Variants in ITGA11 observed in about 807,000 individuals in gnomAD.
ITGA11 encodes integrin alpha-11.
In ITGA11, 97 loss-of-function variants were observed where a neutral mutation model predicts 141.9. The ratio of observed to expected loss-of-function variants is 0.68; its 90% CI spans 0.58 to 0.81. The LOEUF is 0.81. Ranked by LOEUF, ITGA11 falls within the 30% of genes least tolerant of loss-of-function variation. The pLI, the probability that ITGA11 is intolerant of heterozygous loss-of-function variation, is 0.00. For missense variants in ITGA11, 1,387 were observed against 1,559.2 expected, an observed-to-expected ratio of 0.89 and a Z score of 1.86; for synonymous variants, 658 against 624.6, an observed-to-expected ratio of 1.05 and a Z score of -0.80.
At chr15:68,406,702 C>T (rs968714789) in intron 1 of ITGA11, among the ~76,000 whole-genome samples, 4 of 152,172 alleles carry the variant, frequency 2.6e-5, no homozygotes, top group African/African-American at 9.7e-5. Context: ...ATCCTCAGTG[C>T]CTTGAATGGA....
chr15:68,334,054 C>T (rs1425790795), intron 12 of ITGA11, among the ~76,000 whole-genome samples: 1 of 152,226 alleles, frequency 6.6e-6, no homozygotes. Flanking sequence ...CTCCACTCTG[C>T]TCCCTGCCCC....
In ITGA11 at chr15:68,308,201, C is replaced by T. The variant is rs930439810; in HGVS notation, c.3175-505G>A. ...AACTTTTTTTGCCCCAAAATAAACT[C>T]GTATTAACTTGTTGTAACCTATGTG... is the stretch of plus-strand genomic sequence containing the variant. On this transcript the variant is annotated intron_variant, in intron 26 of 29. Coordinates refer to ENST00000315757, the MANE Select transcript of ITGA11 (RefSeq NM_001004439.2). The surrounding 1 kb of genome is among the most constrained non-coding windows in gnomAD (Gnocchi z 5.2). Among the ~76,000 whole-genome samples the T allele has an allele frequency of 2.0e-5, 3 of 152,044 alleles. No individual in the cohort carries two copies. The highest frequency in any genetic ancestry group is 1.9e-4 in the East Asian group (1 of 5,198).
rs952735744 is a variant in ITGA11 at position 68,432,107 on chromosome 15, C to CG, written c.-42dup. ...GGCTGGGTCCGGTGTGCAGCGGCGG[C>CG]GGGGGGCGGCAAGCCAGAGCGGCAG... is the stretch of plus-strand genomic sequence containing the variant. On this transcript the variant is annotated 5_prime_UTR_variant, in exon 1 of 30. Transcript: ENST00000315757. 48 of 1,344,560 alleles carry CG rather than the reference C, an allele frequency of 3.6e-5. No individual in the cohort carries two copies. Among genetic ancestry groups the CG allele is most frequent in the Middle Eastern group, 2.7e-4 (1 of 3,718 alleles). 83.3% of individuals were successfully genotyped at this position (1,344,560 alleles called of 1,614,324 possible).
intron 1 of ITGA11, among the ~76,000 whole-genome samples, chr15:68,430,711 C>A (rs1271933551): frequency 6.6e-6 from 1 of 152,198 alleles, no homozygotes; most frequent in African/African-American, 2.4e-5. Context: ...TGCATATTGG[C>A]CTGGTGGCAG....
At chr15:68,390,594 C>T (rs910416065) in intron 2 of ITGA11, among the ~76,000 whole-genome samples, 1 of 152,196 alleles carries the variant, frequency 6.6e-6, no homozygotes, top group South Asian at 2.1e-4. Context: ...GGCACGCAAG[C>T]TCTGCCTGAG....
chr15:68,356,888 T>G (rs1895086771), intron 7 of ITGA11, among the ~76,000 whole-genome samples: 1 of 152,074 alleles, frequency 6.6e-6, no homozygotes, highest in Non-Finnish European at 1.5e-5. Context: ...CCACCTGAGC[T>G]CTCAGCCAAC....
intron 2 of ITGA11, among the ~76,000 whole-genome samples, chr15:68,400,793 TATTATATAATAA>T (rs1896475773): frequency 1.8e-5 from 1 of 56,800 alleles, no homozygotes; most frequent in Non-Finnish European, 2.9e-5. Flanking sequence ...TTATATTATA[TATTATATAATAA>T]ATATTATAAT....
In ITGA11 at chr15:68,302,972, C is replaced by T; in HGVS notation, c.*87G>A. On this transcript the variant is annotated 3_prime_UTR_variant, in exon 30 of 30. Transcript: ENST00000315757. Reference sequence around the variant, plus strand: ...AAAGCCAGCTGGCTTCCTCTCCGCTCCAGCTCGGTGGGGCCACAGGCCTGG... The same window carrying T: ...AAAGCCAGCTGGCTTCCTCTCCGCTTCAGCTCGGTGGGGCCACAGGCCTGG... The T allele has an allele frequency of 1.8e-6, 2 of 1,139,284 alleles. No homozygotes were observed. Among genetic ancestry groups the T allele is most frequent in the Admixed American group, 2.6e-5 (1 of 38,078 alleles). The allele number at this position is 1,139,284 out of a possible 1,614,324, so 70.6% of individuals were successfully genotyped here.
chr15:68,317,233 T>C, intron 21 of ITGA11, 32 bp downstream of exon 21: 2 of 708,344 alleles, frequency 2.8e-6, no homozygotes, highest in Non-Finnish European at 4.9e-6. Context: ...GTGCCCACCC[T>C]GACCCTCCCC....
Position 68,335,909 on chromosome 15 carries a change from G to A in ITGA11, c.1277-64C>T. ...TCCTCAGCAGGCGTTGCTTGGCCCG[G>A]TGCATGGCTTGGCAGTGCCAGAGGA... On this transcript the variant is annotated intron_variant, in intron 11 of 29. Coordinates refer to ENST00000315757, the MANE Select transcript of ITGA11 (RefSeq NM_001004439.2). The surrounding 1 kb of genome is among the most constrained non-coding windows in gnomAD (Gnocchi z 4.9). 1 of 1,558,470 alleles carries A rather than the reference G, an allele frequency of 6.4e-7. No homozygotes were observed. Among genetic ancestry groups the A allele is most frequent in the Admixed American group, 1.9e-5 (1 of 53,428 alleles).
At chr15:68,371,705 G>A (rs1309645946) in intron 2 of ITGA11, among the ~76,000 whole-genome samples, 1 of 151,964 alleles carries the variant, frequency 6.6e-6, no homozygotes, top group African/African-American at 2.4e-5. Context: ...GTGACAGAGC[G>A]AGACTCTATC....
intron 4 of ITGA11, among the ~76,000 whole-genome samples, 189 bp downstream of exon 4, chr15:68,364,518 G>A (rs1449758514): frequency 2.0e-5 from 3 of 152,216 alleles, no homozygotes; most frequent in Non-Finnish European, 4.4e-5. Context: ...CCTGCCACCC[G>A]GAATGGCATA....
At position 68,396,970 on chromosome 15, in the gene ITGA11, ATATAT is replaced by A. The variant is rs1330941632; in HGVS notation, c.164+5943_164+5947del. ...TATATTATTTATTATATAATAAATA[ATATAT>A]TATATATTATTTATTATATAATATA... On this transcript the variant is annotated intron_variant, in intron 2 of 29. Coordinates refer to ENST00000315757, the MANE Select transcript of ITGA11 (RefSeq NM_001004439.2). Among the ~76,000 whole-genome samples the A allele has an allele frequency of 5.8e-5, 2 of 34,684 alleles. 1 individual carries two copies. Among genetic ancestry groups the A allele is most frequent in the Non-Finnish European group, 9.6e-5 (2 of 20,910 alleles). 22.8% of individuals were successfully genotyped at this position (34,684 alleles called of 152,430 possible). A position where few individuals can be genotyped will look rare whatever the true frequency, so the allele number is the denominator to read the frequency against.
intron 1 of ITGA11, 121 bp downstream of exon 1, chr15:68,431,894 G>C: frequency 1.6e-6 from 1 of 641,696 alleles, no homozygotes; most frequent in Non-Finnish European, 2.3e-6. Context: ...ACGTCCCCAA[G>C]AGCAGCTGAG....
At chr15:68,397,537 A>T (rs1248677847) in intron 2 of ITGA11, among the ~76,000 whole-genome samples, 1 of 42,162 alleles carries the variant, frequency 2.4e-5, no homozygotes, top group African/African-American at 1.3e-4. Flanking sequence ...TAAAATATTT[A>T]AAATATTATA....
intron 1 of ITGA11, among the ~76,000 whole-genome samples, chr15:68,426,384 CA>C (rs1897143884): frequency 6.6e-6 from 1 of 152,174 alleles, no homozygotes. Flanking sequence ...GCTGGAATGA[CA>C]GCCCCTGGGA....
chr15:68,424,848 G>A (rs780157227), intron 1 of ITGA11, among the ~76,000 whole-genome samples: 5 of 152,236 alleles, frequency 3.3e-5, no homozygotes, highest in Non-Finnish European at 5.9e-5. Flanking sequence ...GGTTCCCAAA[G>A]CAGTCTTGAG....
At chr15:68,337,315 G>A (rs1894392412) in intron 11 of ITGA11, among the ~76,000 whole-genome samples, 1 of 152,190 alleles carries the variant, frequency 6.6e-6, no homozygotes, top group African/African-American at 2.4e-5. Flanking sequence ...TTCTGAGGCT[G>A]GGCCAGCCTC....
intron 2 of ITGA11, among the ~76,000 whole-genome samples, chr15:68,389,398 C>G (rs947747639): frequency 1.3e-5 from 2 of 152,226 alleles, no homozygotes; most frequent in Admixed American, 6.5e-5. Flanking sequence ...CTCATGGGGC[C>G]AGCAGCGTGT....
Sources: allele counts gnomAD v4.1 joint callset (sites outside exome capture counted in the v4.1 genomes callset), GRCh38; gene constraint gnomAD v4.1.1; non-coding constraint Gnocchi (gnomAD v3.1); transcripts MANE v1.5; gene names NCBI Gene and HGNC (gene_info 2026-07-23, HGNC 2026-07-21).